Variants in MAST1 observed in about 807,000 individuals in gnomAD.
MAST1 encodes the protein microtubule-associated serine/threonine-protein kinase 1.
A neutral mutation model predicts 124.6 loss-of-function variants in MAST1; 40 were observed. The observed-to-expected ratio is 0.32, with a 90% confidence interval of 0.25 to 0.42. The LOEUF (loss-of-function observed/expected upper bound fraction) is 0.42, where lower values mean the gene tolerates loss of function less well. Among genes scored for constraint, MAST1 ranks in the 10% least tolerant of loss-of-function variants. The probability of loss-of-function intolerance (pLI) is 1.00; values close to 1 mark genes in which losing one functional copy is unlikely to be tolerated. For synonymous variants in MAST1, 938 were observed against 939.4 expected (o/e 1.00, Z 0.03); for missense variants, 1,558 against 2,181.9 (o/e 0.71, Z 5.70).
At chr19:12,845,686 C>T (rs1969885238) in intron 4 of MAST1, among the ~76,000 whole-genome samples, 1 of 140,472 alleles carries the variant, frequency 7.1e-6, no homozygotes, top group African/African-American at 2.7e-5. Context: ...GATGGAGTCT[C>T]ACTCTGTCGC....
intron 24 of MAST1, among the ~76,000 whole-genome samples, chr19:12,871,554 C>T (rs1380658616): frequency 5.9e-5 from 9 of 151,978 alleles, no homozygotes; most frequent in Admixed American, 3.3e-4. Flanking sequence ...TTGCAGTGAG[C>T]CAAGATTGTG....
chr19:12,838,683 C>A lies in MAST1; in HGVS notation c.83+28C>A. On this transcript the variant is annotated intron_variant, in intron 1 of 25. Coordinates refer to ENST00000251472, the MANE Select transcript of MAST1 (RefSeq NM_014975.3). This position sits in a 1 kb window ranked among gnomAD's most constrained non-coding sequence, Gnocchi z 4.3. Reference sequence around the variant, plus strand: ...AGACCCCCGATCCCCTAGACATTGTCCCGGCCCTCCCCGCAAAAGCCGCCG... The same window carrying A: ...AGACCCCCGATCCCCTAGACATTGTACCGGCCCTCCCCGCAAAAGCCGCCG... 6.3e-7 allele frequency: 1 copy of A among 1,596,328 alleles called. No homozygotes were observed.
rs1307164666 is a variant in MAST1 at position 12,841,652 on chromosome 19, C to G, written c.248+586C>G. Among the ~76,000 whole-genome samples, 1 of 152,090 alleles carries G rather than the reference C, an allele frequency of 6.6e-6. No homozygotes were observed. The highest frequency in any genetic ancestry group is 1.5e-5 in the Non-Finnish European group (1 of 68,020). On this transcript the variant is annotated intron_variant, in intron 3 of 25. Coordinates refer to ENST00000251472, the MANE Select transcript of MAST1 (RefSeq NM_014975.3). The surrounding 1 kb of genome is among the most constrained non-coding windows in gnomAD (Gnocchi z 4.3). ...TTGGGCCTGTCTCTTTTTCTTTGAA[C>G]TCTATTCATTCTAAAAATGGTGTCT...
In MAST1 at chr19:12,847,214, G is replaced by A. The variant is rs112642729; in HGVS notation, c.328-76G>A. The A allele has an allele frequency of 3.8e-5, 36 of 940,550 alleles. No individual in the cohort carries two copies. Among genetic ancestry groups the A allele is most frequent in the Middle Eastern group, 5.2e-4 (2 of 3,814 alleles). The allele number at this position is 940,550 out of a possible 1,614,324, so 58.3% of individuals were successfully genotyped here. On this transcript the variant is annotated intron_variant, in intron 4 of 25. Transcript: ENST00000251472. The surrounding 1 kb of genome is among the most constrained non-coding windows in gnomAD (Gnocchi z 5.5). ...CTTGCCCAGTGACCCCATCGGCTTT[G>A]GGAGTCCCAGCTCAGGGTCCTGAGC...
chr19:12,851,421 A>C (rs543876153), intron 7 of MAST1, among the ~76,000 whole-genome samples: 2 of 151,594 alleles, frequency 1.3e-5, no homozygotes, highest in Admixed American at 6.6e-5. Flanking sequence ...ACACTACCAC[A>C]CCTGGCTAAT....
intron 12 of MAST1, among the ~76,000 whole-genome samples, chr19:12,862,919 G>A (rs552730958): frequency 9.2e-5 from 14 of 151,690 alleles, no homozygotes; most frequent in Non-Finnish European, 1.5e-4. Context: ...TGCCTGCCTC[G>A]GCTTCCCAAA....
chr19:12,872,941 T>C (rs899747438), intron 24 of MAST1, among the ~76,000 whole-genome samples: 32 of 148,810 alleles, frequency 2.2e-4, no homozygotes, highest in Non-Finnish European at 2.8e-4. Flanking sequence ...TTTGGATGAG[T>C]GTTTGTAGCC....
At position 12,845,538 on chromosome 19, in the gene MAST1, C is replaced by T. The variant is rs138396633; in HGVS notation, c.328-1752C>T. ...GGTGGGGGTTGCAGTGAGTGGAGGT[C>T]GAGCCACTGCACTCCAGCCTGGGGG... On this transcript the variant is annotated intron_variant, in intron 4 of 25. Transcript: ENST00000251472. Among the ~76,000 whole-genome samples, 49 of 144,480 alleles carry T rather than the reference C, an allele frequency of 3.4e-4. 1 individual carries two copies. The highest frequency in any genetic ancestry group is 1.1e-3 in the African/African-American group (41 of 38,644). 94.8% of individuals were successfully genotyped at this position (144,480 alleles called of 152,430 possible). A position where few individuals can be genotyped will look rare whatever the true frequency, so the allele number is the denominator to read the frequency against.
At position 12,865,507 on chromosome 19, in the gene MAST1, G is replaced by A. The variant is rs757294760; in HGVS notation, c.1804+26G>A. On this transcript the variant is annotated intron_variant, in intron 15 of 25. Transcript: ENST00000251472. The surrounding 1 kb of genome is among the most constrained non-coding windows in gnomAD (Gnocchi z 7.1). The stretch of plus-strand genomic sequence containing the variant: ...GTACGTGGCTTGGCAGTGTACAGGG[G>A]CAGAGTGTGGTGTGCACGGAGAGAT... 1 of 1,555,280 alleles carries A rather than the reference G, an allele frequency of 6.4e-7. No homozygotes were observed. The highest frequency in any genetic ancestry group is 8.7e-7 in the Non-Finnish European group (1 of 1,151,032).
At chr19:12,856,518 G>T (rs1970019580) in intron 10 of MAST1, among the ~76,000 whole-genome samples, 1 of 152,002 alleles carries the variant, frequency 6.6e-6, no homozygotes, top group African/African-American at 2.4e-5. Context: ...TGGCCAGGCT[G>T]GTCTCGAACT....
At position 12,865,791 on chromosome 19, in the gene MAST1, A is replaced by G; in HGVS notation, c.1879A>G (p.Thr627Ala). ...AQLLISSLLQTNPLVRLGAGG... is the reference protein window; with the variant it reads ...AQLLISSLLQANPLVRLGAGG... ...ACTCCTCATATCCAGCCTCCTGCAG[A>G]CCAACCCTCTGGTCAGGCTTGGGGC... Residue 627 changes from threonine (T) to alanine (A), a missense_variant, in exon 16 of 26, where the codon ACC becomes GCC. By Grantham distance (58) the Thr-to-Ala change is moderately conservative. This residue lies in a region of MAST1 where 145 missense variants were observed against 350.0 expected (regional missense o/e 0.41). Coordinates refer to ENST00000251472, the MANE Select transcript of MAST1 (RefSeq NM_014975.3). The surrounding 1 kb of genome is among the most constrained non-coding windows in gnomAD (Gnocchi z 7.1). 6.2e-7 allele frequency: 1 copy of G among 1,613,846 alleles called. No individual in the cohort carries two copies. The highest frequency in any genetic ancestry group is 8.5e-7 in the Non-Finnish European group (1 of 1,179,946).
Position 12,866,271 on chromosome 19 carries a change from ACAGGCGGGGCT to A in MAST1, c.2029+175_2029+185del, listed in dbSNP as rs1970152685. 6.6e-6 allele frequency among the ~76,000 whole-genome samples: 1 copy of A among 151,954 alleles called. No individual in the cohort carries two copies. Reference sequence around the variant, plus strand: ...GGGCCAAGTGGGGCGGGGCTGACATACAGGCGGGGCTCAGGCTGAAATGTAGGTAAGAACCT... The same window carrying A: ...GGGCCAAGTGGGGCGGGGCTGACATACAGGCTGAAATGTAGGTAAGAACCT... On this transcript the variant is annotated intron_variant, in intron 17 of 25. Coordinates refer to ENST00000251472, the MANE Select transcript of MAST1 (RefSeq NM_014975.3). The surrounding 1 kb of genome is among the most constrained non-coding windows in gnomAD (Gnocchi z 5.2).
intron 10 of MAST1, among the ~76,000 whole-genome samples, chr19:12,854,832 A>G (rs918446046): frequency 2.6e-5 from 4 of 152,180 alleles, no homozygotes; most frequent in Non-Finnish European, 4.4e-5. Flanking sequence ...AAAATTGCCA[A>G]TTCTATTCCC....
chr19:12,874,531 G>C lies in MAST1; in HGVS notation c.4374G>C (p.Lys1458Asn), dbSNP rs761575418. The C allele has an allele frequency of 6.6e-7, 1 of 1,521,894 alleles. No individual in the cohort carries two copies. Among genetic ancestry groups the C allele is most frequent in the South Asian group, 1.3e-5 (1 of 78,392 alleles). The allele number at this position is 1,521,894 out of a possible 1,614,324, so 94.3% of individuals were successfully genotyped here. The change falls in exon 26 of 26, where the codon AAG becomes AAC. Residue 1458 changes from lysine to asparagine, a missense_variant. Physicochemically the swap from Lys to Asn is moderately conservative, Grantham distance 94. Transcript: ENST00000251472. This position sits in a 1 kb window ranked among gnomAD's most constrained non-coding sequence, Gnocchi z 6.6. ...VVPQPLGADS[K>N]GLQEPAPLAP... is the part of the protein sequence containing the mutation. ...CTCAGCCTCTGGGCGCGGACTCCAAGGGGTTGCAGGAACCCGCACCCCTGG... is the reference window on the plus strand; with the variant it reads ...CTCAGCCTCTGGGCGCGGACTCCAACGGGTTGCAGGAACCCGCACCCCTGG...
chr19:12,844,014 C>CA (rs1484888831), intron 4 of MAST1, among the ~76,000 whole-genome samples: 1 of 151,734 alleles, frequency 6.6e-6, no homozygotes, highest in East Asian at 1.9e-4. Context: ...AAGAAAAAAG[C>CA]AAAAAAAGAC....
rs933175968 is a variant in MAST1 at position 12,841,924 on chromosome 19, G to A, written c.248+858G>A. On this transcript the variant is annotated intron_variant, in intron 3 of 25. Coordinates refer to ENST00000251472, the MANE Select transcript of MAST1 (RefSeq NM_014975.3). The surrounding 1 kb of genome is among the most constrained non-coding windows in gnomAD (Gnocchi z 4.3). ...GAGCCAGGACAAGGCTCTGGGATAG[G>A]GTCTCACATGTTTATCCGCAAGCGG... Among the ~76,000 whole-genome samples, 15 of 152,168 alleles carry A rather than the reference G, an allele frequency of 9.9e-5. No individual in the cohort carries two copies. Among genetic ancestry groups the A allele is most frequent in the Non-Finnish European group, 1.8e-4 (12 of 68,044 alleles).
At chr19:12,861,208 C>T (rs978455196) in intron 12 of MAST1, among the ~76,000 whole-genome samples, 1 of 151,988 alleles carries the variant, frequency 6.6e-6, no homozygotes, top group African/African-American at 2.4e-5. Flanking sequence ...ACTAAAGGCG[C>T]GCCTCCACCA....
chr19:12,839,918 A>T lies in MAST1; in HGVS notation c.84-528A>T, dbSNP rs57373930. Among the ~76,000 whole-genome samples the T allele has an allele frequency of 4.3e-3, 652 of 152,258 alleles. 3 individuals carry two copies. The highest frequency in any genetic ancestry group is 0.014 in the African/African-American group (585 of 41,532). On this transcript the variant is annotated intron_variant, in intron 1 of 25. Transcript: ENST00000251472. ...GCGAGACATTGATTTAAAAGAAAAA[A>T]AATAATAATAATACAACCTGCCTGT...
chr19:12,843,462 C>T lies in MAST1; in HGVS notation c.249-67C>T. On this transcript the variant is annotated intron_variant, in intron 3 of 25. Transcript: ENST00000251472. The surrounding 1 kb of genome is among the most constrained non-coding windows in gnomAD (Gnocchi z 4.9). ...CCCTGGCCCTGGCCAGTGGCTTCAC[C>T]CACACCCTGAGGAGTTGGGGGACCG... 7.5e-7 allele frequency: 1 copy of T among 1,331,412 alleles called. No individual in the cohort carries two copies. The highest frequency in any genetic ancestry group is 1.1e-6 in the Non-Finnish European group (1 of 933,818). 82.5% of individuals were successfully genotyped at this position (1,331,412 alleles called of 1,614,324 possible).
Sources: allele counts gnomAD v4.1 joint callset (sites outside exome capture counted in the v4.1 genomes callset), GRCh38; gene constraint gnomAD v4.1.1; regional missense constraint gnomAD v4.1.1; non-coding constraint Gnocchi (gnomAD v3.1); transcripts MANE v1.5; gene names NCBI Gene and HGNC (gene_info 2026-07-23, HGNC 2026-07-21).